ITSN1: variants seen among roughly 807,000 people sequenced by gnomAD.
ITSN1 encodes intersectin-1.
In ITSN1, 58 loss-of-function variants were observed where a neutral mutation model predicts 239.8. That is an observed-to-expected ratio of 0.24 (90% confidence interval 0.20 to 0.30). The LOEUF is 0.30. ITSN1 is among the 10% of genes least tolerant of loss of function. The probability of loss-of-function intolerance (pLI) is 1.00; values close to 1 mark genes in which losing one functional copy is unlikely to be tolerated. For missense variants in ITSN1, 1,558 were observed against 2,103.3 expected, an observed-to-expected ratio of 0.74 and a Z score of 5.07; for synonymous variants, 780 against 770.8, an observed-to-expected ratio of 1.01 and a Z score of -0.20.
intron 5 of ITSN1, among the ~76,000 whole-genome samples, chr21:33,739,767 C>T (rs993557114): frequency 3.9e-5 from 6 of 152,048 alleles, no homozygotes; most frequent in Admixed American, 2.6e-4. Flanking sequence ...GGAAGGTGTG[C>T]GAGGGGCGTC....
chr21:33,722,721 G>A, intron 4 of ITSN1, 70 bp downstream of exon 4: 1 of 1,389,030 alleles, frequency 7.2e-7, no homozygotes, highest in Non-Finnish European at 9.7e-7. Flanking sequence ...TGTTCTATTT[G>A]GTAATATGAT....
At chr21:33,849,161 T>C (rs529448193) in intron 29 of ITSN1, among the ~76,000 whole-genome samples, 35 of 151,214 alleles carry the variant, frequency 2.3e-4, no homozygotes, top group Middle Eastern at 3.6e-3. Flanking sequence ...TCACTTGAAC[T>C]CAGGAGGCGG....
intron 1 of ITSN1, among the ~76,000 whole-genome samples, chr21:33,669,527 C>G (rs2090134415): frequency 6.6e-6 from 1 of 151,814 alleles, no homozygotes; most frequent in Non-Finnish European, 1.5e-5. Flanking sequence ...GCAACCTCCG[C>G]CTCCCGGGTT....
chr21:33,669,169 G>C (rs192646381), intron 1 of ITSN1, among the ~76,000 whole-genome samples: 4 of 152,194 alleles, frequency 2.6e-5, no homozygotes, highest in South Asian at 4.1e-4. Flanking sequence ...TGCAGGCTCC[G>C]CCTCCTGGGT....
chr21:33,651,010 A>G (rs2088476815), intron 1 of ITSN1, among the ~76,000 whole-genome samples: 2 of 152,272 alleles, frequency 1.3e-5, no homozygotes, highest in East Asian at 1.9e-4. Flanking sequence ...TGTTAGCTCC[A>G]TGAGGGCAGG....
intron 35 of ITSN1, among the ~76,000 whole-genome samples, chr21:33,883,068 A>G (rs959556705): frequency 5.3e-5 from 8 of 152,002 alleles, no homozygotes; most frequent in South Asian, 2.1e-4. Context: ...TTATTATGGG[A>G]AAAAAAAGAG....
rs763908413 is a variant in ITSN1 at position 33,836,512 on chromosome 21, A to G, written c.3541A>G (p.Ile1181Val). 38 of 1,613,984 alleles carry G rather than the reference A, an allele frequency of 2.4e-5. No homozygotes were observed. The highest frequency in any genetic ancestry group is 1.6e-4 in the Middle Eastern group (1 of 6,084). ...TGAGCTGGCCTTCAACAAGGGCCAGATCATCAACGTCCTCAACAAGGAGGA... is the reference window on the plus strand; with the variant it reads ...TGAGCTGGCCTTCAACAAGGGCCAGGTCATCAACGTCCTCAACAAGGAGGA... Reference protein sequence around the residue: ...DDELAFNKGQIINVLNKEDPD... With the variant: ...DDELAFNKGQVINVLNKEDPD... The change falls in exon 29 of 40, where the codon ATC becomes GTC. Residue 1181 changes from isoleucine (I) to valine (V), a missense_variant. Physicochemically the swap from Ile to Val is conservative, Grantham distance 29. This residue lies in a region of ITSN1 where 576 missense variants were observed against 893.3 expected (regional missense o/e 0.64). Transcript: ENST00000381318.
chr21:33,650,588 G>A (rs1259599338), intron 1 of ITSN1, among the ~76,000 whole-genome samples: 2 of 152,106 alleles, frequency 1.3e-5, no homozygotes, highest in African/African-American at 4.8e-5. Flanking sequence ...ATTCATTTCC[G>A]CTCTGAACTT....
At chr21:33,749,893 T>G (rs1427715519) in intron 5 of ITSN1, among the ~76,000 whole-genome samples, 1 of 152,196 alleles carries the variant, frequency 6.6e-6, no homozygotes, top group Admixed American at 6.5e-5. Context: ...AGCCTTTAAG[T>G]CCACTGCAGT....
In ITSN1 at chr21:33,891,489, C is replaced by T. The variant is rs773073472; in HGVS notation, c.*3189C>T. On this transcript the variant is annotated 3_prime_UTR_variant, in exon 40 of 40. Transcript: ENST00000381318. ...CCCATCAGACTATGAGTAAATTGAC[C>T]ACCCACATTAAGTCTTATCTCGGTG... is the stretch of plus-strand genomic sequence containing the variant. 2 of 152,042 alleles carry T rather than the reference C, an allele frequency of 1.3e-5. No homozygotes were observed. The highest frequency in any genetic ancestry group is 2.9e-5 in the Non-Finnish European group (2 of 68,018). The allele number at this position is 152,042 out of a possible 1,614,324, so 9.4% of individuals were successfully genotyped here.
intron 26 of ITSN1, chr21:33,829,125 G>A (rs1376660157): frequency 7.4e-6 from 3 of 405,602 alleles, no homozygotes; most frequent in South Asian, 5.5e-5. Context: ...AGCCCCTGCC[G>A]GGCTCCCAGT....
chr21:33,741,297 A>G (rs1206911468), intron 5 of ITSN1, among the ~76,000 whole-genome samples: 5 of 152,236 alleles, frequency 3.3e-5, no homozygotes, highest in African/African-American at 9.6e-5. Flanking sequence ...AATTCAGTAT[A>G]GTTATCAAAA....
intron 1 of ITSN1, among the ~76,000 whole-genome samples, chr21:33,688,161 G>A (rs2091340854): frequency 6.6e-6 from 1 of 151,552 alleles, no homozygotes; most frequent in Non-Finnish European, 1.5e-5. Context: ...ATTTCTGTTA[G>A]AACGCTGGAT....
intron 1 of ITSN1, among the ~76,000 whole-genome samples, chr21:33,660,875 C>G (rs911492747): frequency 6.6e-6 from 1 of 152,064 alleles, no homozygotes; most frequent in Non-Finnish European, 1.5e-5. Flanking sequence ...TTGATTTGAC[C>G]AATACATACA....
At chr21:33,843,531 A>G (rs1179815679) in intron 29 of ITSN1, among the ~76,000 whole-genome samples, 1 of 152,164 alleles carries the variant, frequency 6.6e-6, no homozygotes, top group South Asian at 2.1e-4. Flanking sequence ...CCCAATTTTC[A>G]TTCCTGGCCT....
intron 1 of ITSN1, among the ~76,000 whole-genome samples, chr21:33,661,432 A>G (rs2089548059): frequency 6.6e-6 from 1 of 151,872 alleles, no homozygotes; most frequent in African/African-American, 2.4e-5. Flanking sequence ...CTGTTGTAAA[A>G]CTGACTTTTT....
intron 1 of ITSN1, among the ~76,000 whole-genome samples, chr21:33,696,621 G>A (rs1392969879): frequency 2.6e-5 from 4 of 152,116 alleles, no homozygotes; most frequent in South Asian, 2.1e-4. Flanking sequence ...TTTTACTACC[G>A]TCTTTCAGCC....
intron 1 of ITSN1, among the ~76,000 whole-genome samples, chr21:33,656,868 G>A (rs923422774): frequency 7.2e-5 from 11 of 151,960 alleles, no homozygotes; most frequent in African/African-American, 2.4e-4. Flanking sequence ...CTGCCACCAC[G>A]CCTGGCTAAT....
intron 1 of ITSN1, among the ~76,000 whole-genome samples, chr21:33,690,628 G>T (rs548431087): frequency 1.3e-5 from 2 of 148,592 alleles, no homozygotes; most frequent in East Asian, 4.0e-4. Flanking sequence ...AGGCATGGTG[G>T]TGGATGCCTG....
Sources: gnomAD v4.1 joint callset for allele counts (sites outside exome capture counted in the v4.1 genomes callset) on GRCh38, gnomAD v4.1.1 for gene constraint, gnomAD v4.1.1 regional missense constraint, MANE v1.5 for transcripts, NCBI Gene and HGNC (gene_info 2026-07-23, HGNC 2026-07-21) for gene names.